PKIB: variants seen among roughly 807,000 people sequenced by gnomAD.
PKIB encodes cAMP-dependent protein kinase inhibitor beta, also known as PKI-beta.
In PKIB, 2 loss-of-function variants were observed where a neutral mutation model predicts 4.5. The observed-to-expected ratio is 0.44, with a 90% CI of 0.18 to 1.39. PKIB has a LOEUF of 1.39. PKIB is among the 40% of genes most tolerant of loss of function. The pLI, the probability that PKIB is intolerant of heterozygous loss-of-function variation, is 0.27. For synonymous variants in PKIB, 38 were observed against 36.0 expected (o/e 1.06, Z -0.20); for missense variants, 94 against 92.6 (o/e 1.02, Z -0.06).
chr6:122,520,665 A>ACCCACCCC (rs536170443), intron 2 of PKIB, among the ~76,000 whole-genome samples: 1 of 107,986 alleles, frequency 9.3e-6, no homozygotes, highest in African/African-American at 3.6e-5. Flanking sequence ...TTATGTTCCC[A>ACCCACCCC]CCCCCCCCCC....
At chr6:122,610,830 G>C (rs78139130) in intron 1 of PKIB, among the ~76,000 whole-genome samples, 1 of 152,190 alleles carries the variant, frequency 6.6e-6, no homozygotes, top group Admixed American at 6.5e-5. Flanking sequence ...ACTCTGCCCT[G>C]CAGGTGGCCA....
intron 2 of PKIB, among the ~76,000 whole-genome samples, chr6:122,546,472 A>C (rs1378979289): frequency 1.3e-5 from 2 of 152,102 alleles, no homozygotes; most frequent in Non-Finnish European, 2.9e-5. Context: ...AAGCAAAATA[A>C]TATTCTAATA....
At chr6:122,495,998 C>T (rs1364583756) in intron 2 of PKIB, among the ~76,000 whole-genome samples, 1 of 152,152 alleles carries the variant, frequency 6.6e-6, no homozygotes, top group Admixed American at 6.5e-5. Context: ...TATTCATAGG[C>T]AAGCTTGGGG....
intron 2 of PKIB, among the ~76,000 whole-genome samples, chr6:122,516,666 T>C (rs887878733): frequency 1.5e-4 from 23 of 152,136 alleles, no homozygotes; most frequent in East Asian, 5.8e-4. Context: ...AGGAGCCAGA[T>C]TGACTGAAAC....
chr6:122,662,797 A>AG (rs1275068000), intron 2 of PKIB, among the ~76,000 whole-genome samples: 1 of 152,308 alleles, frequency 6.6e-6, no homozygotes, highest in Non-Finnish European at 1.5e-5. Context: ...ACTGAAGTTT[A>AG]GAGAGGGTAT....
chr6:122,492,789 A>C (rs1263412991), intron 2 of PKIB, among the ~76,000 whole-genome samples: 1 of 109,332 alleles, frequency 9.1e-6, no homozygotes, highest in African/African-American at 3.3e-5. Flanking sequence ...TTTTTTTTTT[A>C]ATTTTCTCAA....
chr6:122,473,258 C>G (rs187775027), intron 1 of PKIB, among the ~76,000 whole-genome samples: 250 of 152,290 alleles, frequency 1.6e-3, no homozygotes, highest in African/African-American at 5.8e-3. Flanking sequence ...ACAAAAAACA[C>G]TTATATGTGA....
chr6:122,687,372 C>T (rs1778135511), intron 3 of PKIB, among the ~76,000 whole-genome samples: 2 of 151,988 alleles, frequency 1.3e-5, no homozygotes, highest in South Asian at 4.1e-4. Flanking sequence ...TACTGTAGCT[C>T]TGTAGTATAA....
chr6:122,576,764 A>G (rs72962464), intron 2 of PKIB, among the ~76,000 whole-genome samples: 2 of 148,386 alleles, frequency 1.3e-5, no homozygotes, highest in Non-Finnish European at 3.0e-5. Context: ...AGAAAAAAGT[A>G]AAAGGAACTA....
At chr6:122,654,372 G>A (rs1042200148) in intron 2 of PKIB, among the ~76,000 whole-genome samples, 1 of 152,166 alleles carries the variant, frequency 6.6e-6, no homozygotes, top group African/African-American at 2.4e-5. Context: ...TCCATTTCCT[G>A]AACACAAAAA....
chr6:122,591,376 A>G (rs1302336431), intron 3 of PKIB, among the ~76,000 whole-genome samples: 1 of 152,172 alleles, frequency 6.6e-6, no homozygotes, highest in Non-Finnish European at 1.5e-5. Flanking sequence ...AATGGTTAAT[A>G]TCTATTCACC....
chr6:122,553,406 G>T (rs1772739414), intron 2 of PKIB, among the ~76,000 whole-genome samples: 2 of 148,866 alleles, frequency 1.3e-5, no homozygotes, highest in African/African-American at 5.0e-5. Context: ...TTAAATGCAT[G>T]CAGTTTCCTC....
intron 3 of PKIB, among the ~76,000 whole-genome samples, chr6:122,586,716 G>C (rs1266180913): frequency 1.3e-5 from 2 of 152,008 alleles, no homozygotes; most frequent in Admixed American, 6.6e-5. Context: ...TGATGATATA[G>C]CCAAGGGAAG....
intron 2 of PKIB, among the ~76,000 whole-genome samples, chr6:122,578,999 C>T (rs1294394492): frequency 2.6e-5 from 4 of 152,184 alleles, no homozygotes; most frequent in Non-Finnish European, 5.9e-5. Context: ...CCTGAGGCCT[C>T]CCAGCCATGC....
At chr6:122,562,815 T>C (rs1773072824) in intron 2 of PKIB, among the ~76,000 whole-genome samples, 1 of 152,106 alleles carries the variant, frequency 6.6e-6, no homozygotes, top group South Asian at 2.1e-4. Context: ...TTTTTGATTG[T>C]TTTTTTCCTT....
At chr6:122,567,050 A>G (rs751771622) in intron 2 of PKIB, among the ~76,000 whole-genome samples, 1 of 152,180 alleles carries the variant, frequency 6.6e-6, no homozygotes. Flanking sequence ...TCAGAAATAT[A>G]TAGAGGTAAA....
intron 2 of PKIB, among the ~76,000 whole-genome samples, chr6:122,634,696 A>T (rs145436334): frequency 3.3e-5 from 5 of 152,318 alleles, no homozygotes; most frequent in African/African-American, 9.6e-5. Context: ...TAACATTGGC[A>T]ATAGGTTCAT....
intron 3 of PKIB, among the ~76,000 whole-genome samples, chr6:122,705,405 T>C (rs970159749): frequency 1.3e-5 from 2 of 152,170 alleles, no homozygotes; most frequent in Non-Finnish European, 2.9e-5. Flanking sequence ...TTTTCCTTTC[T>C]TTTTGGAATA....
intron 2 of PKIB, chr6:122,481,693 TACAC>T (rs779592490): frequency 6.6e-6 from 1 of 152,194 alleles, no homozygotes; most frequent in African/African-American, 2.4e-5. Context: ...TGTGTGTACA[TACAC>T]ACACATTGTG....
Sources: gnomAD v4.1 joint callset for allele counts (sites outside exome capture counted in the v4.1 genomes callset) on GRCh38, gnomAD v4.1.1 for gene constraint, MANE v1.5 for transcripts, NCBI Gene and HGNC (gene_info 2026-07-23, HGNC 2026-07-21) for gene names.